The following TEAD1 variants were observed in gnomAD, a reference collection of about 807,000 sequenced individuals.
TEAD1 encodes transcriptional enhancer factor TEF-1.
Under a neutral mutation model 54.9 loss-of-function variants are expected in TEAD1, and 9 were observed. The ratio of observed to expected loss-of-function variants is 0.16; its 90% CI spans 0.10 to 0.29. TEAD1 has a LOEUF of 0.29. Ranked by LOEUF, TEAD1 falls within the 10% of genes least tolerant of loss-of-function variation. The pLI, the probability that TEAD1 is intolerant of heterozygous loss-of-function variation, is 1.00. For missense variants in TEAD1, 387 were observed against 535.9 expected, an observed-to-expected ratio of 0.72 and a Z score of 2.74; for synonymous variants, 200 against 187.8, an observed-to-expected ratio of 1.07 and a Z score of -0.53.
chr11:12,904,832 C>G, intron 10 of TEAD1: 1 of 347,042 alleles, frequency 2.9e-6, no homozygotes, highest in Admixed American at 3.7e-5. Flanking sequence ...TTTGCAGTAT[C>G]GTACATGATC....
intron 9 of TEAD1, among the ~76,000 whole-genome samples, chr11:12,896,912 A>G (rs2134121636): frequency 6.6e-6 from 1 of 152,306 alleles, no homozygotes; most frequent in Admixed American, 6.5e-5. Flanking sequence ...TTCTATTAAA[A>G]TCTGTAAAAC....
At chr11:12,886,994 G>A (rs927792440) in intron 9 of TEAD1, among the ~76,000 whole-genome samples, 3 of 151,610 alleles carry the variant, frequency 2.0e-5, no homozygotes, top group East Asian at 1.9e-4. Flanking sequence ...TGTTGGTGTC[G>A]CTTCTGATAT....
At chr11:12,764,585 A>G in intron 3 of TEAD1, 151 bp downstream of exon 3, 1 of 931,998 alleles carries the variant, frequency 1.1e-6, no homozygotes, top group African/African-American at 1.6e-5. Context: ...GACTCACCCT[A>G]AACTAAAAAG....
chr11:12,867,275 C>T (rs958334518), intron 5 of TEAD1, among the ~76,000 whole-genome samples: 3 of 152,218 alleles, frequency 2.0e-5, no homozygotes, highest in African/African-American at 2.4e-5. Context: ...TGTACCTAAA[C>T]TGTCACCCCT....
Position 12,937,986 on chromosome 11 carries a change from A to T in TEAD1, c.*764A>T, listed in dbSNP as rs933003823. 1.3e-5 allele frequency: 2 copies of T among 152,414 alleles called. No homozygotes were observed. Among genetic ancestry groups the T allele is most frequent in the African/African-American group, 2.4e-5 (1 of 41,412 alleles). The allele number at this position is 152,414 out of a possible 1,614,324, so 9.4% of individuals were successfully genotyped here. A position where few individuals can be genotyped will look rare whatever the true frequency, so the allele number is the denominator to read the frequency against. On this transcript the variant is annotated 3_prime_UTR_variant, in exon 13 of 13. Coordinates refer to ENST00000527636, the MANE Select transcript of TEAD1 (RefSeq NM_021961.6). ...TATCCTTAACATATATAGTATATTT[A>T]AAAAATATAAAATTGTATTGTACTA...
intron 4 of TEAD1, among the ~76,000 whole-genome samples, 173 bp downstream of exon 4, chr11:12,862,487 A>G: frequency 6.6e-6 from 1 of 152,204 alleles, no homozygotes; most frequent in East Asian, 1.9e-4. Context: ...TCATCATTTC[A>G]GTGACCCTTT....
chr11:12,856,296 G>A (rs1162145191), intron 3 of TEAD1, among the ~76,000 whole-genome samples: 2 of 152,216 alleles, frequency 1.3e-5, no homozygotes, highest in African/African-American at 4.8e-5. Flanking sequence ...TTGTTGCCAA[G>A]GACTTTATGA....
At chr11:12,887,009 A>G (rs937815871) in intron 9 of TEAD1, among the ~76,000 whole-genome samples, 3 of 150,704 alleles carry the variant, frequency 2.0e-5, no homozygotes, top group South Asian at 2.1e-4. Context: ...TGATATTCCT[A>G]TGTTACAAAC....
intron 5 of TEAD1, among the ~76,000 whole-genome samples, chr11:12,869,659 A>C (rs1947698064): frequency 6.6e-6 from 1 of 152,174 alleles, no homozygotes. Flanking sequence ...TCTGGAATTG[A>C]TCATTTTCAT....
chr11:12,703,959 A>G (rs915730792), intron 2 of TEAD1, among the ~76,000 whole-genome samples: 1 of 152,246 alleles, frequency 6.6e-6, no homozygotes, highest in East Asian at 1.9e-4. Context: ...CTAAAACCCT[A>G]AATTCCCTAG....
At chr11:12,713,527 G>C (rs908442347) in intron 2 of TEAD1, among the ~76,000 whole-genome samples, 12 of 152,178 alleles carry the variant, frequency 7.9e-5, no homozygotes, top group African/African-American at 2.9e-4. Context: ...TCTATTACAT[G>C]GGTGGCCTGT....
intron 10 of TEAD1, among the ~76,000 whole-genome samples, chr11:12,902,708 A>G (rs1948446379): frequency 6.6e-6 from 1 of 151,978 alleles, no homozygotes; most frequent in East Asian, 1.9e-4. Context: ...TTTTTTTAAA[A>G]CTGTTTTAAG....
At chr11:12,758,783 T>A (rs1414364247) in intron 2 of TEAD1, among the ~76,000 whole-genome samples, 1 of 152,116 alleles carries the variant, frequency 6.6e-6, no homozygotes, top group Non-Finnish European at 1.5e-5. Flanking sequence ...CCTCAAATGA[T>A]CCACCTGCCT....
rs1390586308 is a variant in TEAD1 at position 12,674,430 on chromosome 11, A to G, written c.-612A>G. ...TTTCATTCCTGTCCTCATTCCGAAC[A>G]TTCTTAGCATCGCTCGCGCCGCGCC... On this transcript the variant is annotated 5_prime_UTR_variant, in exon 1 of 13. Coordinates refer to ENST00000527636, the MANE Select transcript of TEAD1 (RefSeq NM_021961.6). Among the ~76,000 whole-genome samples, 2 of 149,576 alleles carry G rather than the reference A, an allele frequency of 1.3e-5. No individual in the cohort carries two copies. Among genetic ancestry groups the G allele is most frequent in the African/African-American group, 4.9e-5 (2 of 40,742 alleles).
At chr11:12,795,798 C>T (rs16911604) in intron 3 of TEAD1, among the ~76,000 whole-genome samples, 5,308 of 152,226 alleles carry the variant, frequency 0.035, 330 homozygotes, top group African/African-American at 0.12. Context: ...ATCGGGTATA[C>T]GCTGCTTCTC....
rs1943416467 is a variant in TEAD1, at chr11:12,689,865, T to A, written c.-55+14304T>A. Among the ~76,000 whole-genome samples, 4 of 152,102 alleles carry A rather than the reference T, an allele frequency of 2.6e-5. No individual in the cohort carries two copies. The South Asian group carries it at 8.3e-4, about 32-fold the overall frequency. ...TTGTCATACCGTTTCATCTGTAAATTAGTACATATTTTAAAAATATGACTC... is the reference window on the plus strand; with the variant it reads ...TTGTCATACCGTTTCATCTGTAAATAAGTACATATTTTAAAAATATGACTC... On this transcript the variant is annotated intron_variant, in intron 2 of 12. Coordinates refer to ENST00000527636, the MANE Select transcript of TEAD1 (RefSeq NM_021961.6).
At chr11:12,869,890 T>A (rs1054999451) in intron 5 of TEAD1, among the ~76,000 whole-genome samples, 3 of 152,050 alleles carry the variant, frequency 2.0e-5, no homozygotes, top group Non-Finnish European at 4.4e-5. Context: ...TCTTTTTCTT[T>A]TTTTTTTGAG....
intron 3 of TEAD1, among the ~76,000 whole-genome samples, chr11:12,826,445 GT>G (rs1293805145): frequency 1.3e-5 from 2 of 152,168 alleles, no homozygotes; most frequent in African/African-American, 4.8e-5. Flanking sequence ...ATCCATAGTG[GT>G]TTTTGTCCTG....
chr11:12,916,069 C>T (rs779498362), intron 10 of TEAD1, among the ~76,000 whole-genome samples: 12 of 148,886 alleles, frequency 8.1e-5, no homozygotes, highest in African/African-American at 2.4e-4. Context: ...GCTTCTGCTT[C>T]GACTTTTTGT....
Sources: gnomAD v4.1 joint callset for allele counts (sites outside exome capture counted in the v4.1 genomes callset) on GRCh38, gnomAD v4.1.1 for gene constraint, MANE v1.5 for transcripts, NCBI Gene and HGNC (gene_info 2026-07-23, HGNC 2026-07-21) for gene names.